Variants in SVEP1 observed in about 807,000 individuals in gnomAD.
SVEP1 encodes sushi, von Willebrand factor type A, EGF and pentraxin domain containing 1, also known as sushi, von Willebrand factor type A, EGF and pentraxin domain-containing protein 1.
In SVEP1, 164 loss-of-function variants were observed where a neutral mutation model predicts 367.3. The observed-to-expected ratio is 0.45, with a 90% CI of 0.39 to 0.51. The LOEUF (loss-of-function observed/expected upper bound fraction) is 0.51, where lower values mean the gene tolerates loss of function less well. SVEP1 is among the 20% of genes least tolerant of loss of function. SVEP1 has a pLI of 0.00. For synonymous variants in SVEP1, 1,666 were observed against 1,611.6 expected (o/e 1.03, Z -0.81); for missense variants, 4,117 against 4,425.3 (o/e 0.93, Z 1.98).
intron 40 of SVEP1, among the ~76,000 whole-genome samples, chr9:110,394,218 C>G (rs10817010): frequency 0.85 from 129,086 of 151,374 alleles, 55,387 homozygotes; most frequent in African/African-American, 0.95. Context: ...CTGTTCTGCA[C>G]CCTCTGCTGC....
chr9:110,429,446 A>T (rs531198366), intron 34 of SVEP1, 112 bp from the exon 35 acceptor site: 444 of 783,676 alleles, frequency 5.7e-4, no homozygotes, highest in Non-Finnish European at 7.7e-4. Flanking sequence ...GGAAAAGTTG[A>T]TTTTTTTTCC....
At position 110,384,532 on chromosome 9, in the gene SVEP1, T is replaced by C. The variant is rs539726196; in HGVS notation, c.10237+1366A>G. Reference sequence around the variant, plus strand: ...ACTGCAATAAGCTGCTAGCTGAAAATTCAGGGACTTGGGCTGTTGTGTATA... The same window carrying C: ...ACTGCAATAAGCTGCTAGCTGAAAACTCAGGGACTTGGGCTGTTGTGTATA... On this transcript the variant is annotated intron_variant, in intron 43 of 47. Coordinates refer to ENST00000374469, the MANE Select transcript of SVEP1 (RefSeq NM_153366.4). Among the ~76,000 whole-genome samples the C allele has an allele frequency of 3.3e-5, 5 of 150,988 alleles. No individual in the cohort carries two copies. The East Asian group carries it at 7.8e-4, about 24-fold the overall frequency.
intron 14 of SVEP1, among the ~76,000 whole-genome samples, chr9:110,472,931 G>A (rs2118675575): frequency 6.6e-6 from 1 of 152,212 alleles, no homozygotes; most frequent in Non-Finnish European, 1.5e-5. Flanking sequence ...TTCAGATTGT[G>A]GCTTCTCGAT....
chr9:110,383,218 G>C (rs1827465550), intron 43 of SVEP1, among the ~76,000 whole-genome samples: 1 of 151,980 alleles, frequency 6.6e-6, no homozygotes, highest in Non-Finnish European at 1.5e-5. Flanking sequence ...TGATCTTTGA[G>C]GTTGCTGACC....
chr9:110,443,500 A>C, intron 27 of SVEP1, 45 bp downstream of exon 27: 2 of 1,420,532 alleles, frequency 1.4e-6, no homozygotes, highest in Non-Finnish European at 1.9e-6. Flanking sequence ...AAGCAGCATC[A>C]CCTCTAGAGT....
intron 32 of SVEP1, among the ~76,000 whole-genome samples, chr9:110,431,123 G>A (rs1828343983): frequency 1.3e-5 from 2 of 152,102 alleles, no homozygotes; most frequent in Admixed American, 6.5e-5. Flanking sequence ...CTGATTTTGA[G>A]GAAAACAGCC....
At chr9:110,483,295 A>AGG (rs1829225401) in intron 10 of SVEP1, among the ~76,000 whole-genome samples, 1 of 152,192 alleles carries the variant, frequency 6.6e-6, no homozygotes, top group African/African-American at 2.4e-5. Flanking sequence ...CTCTAGAGCA[A>AGG]CATAAGCTTG....
chr9:110,501,508 G>A (rs1049291026), intron 6 of SVEP1, among the ~76,000 whole-genome samples: 2 of 105,054 alleles, frequency 1.9e-5, no homozygotes, highest in African/African-American at 2.8e-5. Context: ...ATTTTGTTGT[G>A]GGGGGGGCAG....
intron 1 of SVEP1, among the ~76,000 whole-genome samples, chr9:110,571,309 G>A (rs186917962): frequency 6.6e-6 from 1 of 152,124 alleles, no homozygotes; most frequent in Non-Finnish European, 1.5e-5. Flanking sequence ...CAGCAATAAA[G>A]CTCCATAAAA....
intron 27 of SVEP1, among the ~76,000 whole-genome samples, chr9:110,441,585 G>A (rs1390452193): frequency 6.6e-6 from 1 of 152,200 alleles, no homozygotes. Flanking sequence ...CACATCCAGG[G>A]ATCTGTCTGT....
intron 8 of SVEP1, among the ~76,000 whole-genome samples, chr9:110,494,599 A>G (rs541970239): frequency 1.3e-5 from 2 of 152,312 alleles, no homozygotes; most frequent in South Asian, 4.1e-4. Context: ...TTCTACCAAG[A>G]AATTTCTTTT....
chr9:110,410,297 C>T (rs189497035), intron 37 of SVEP1, among the ~76,000 whole-genome samples: 2 of 152,252 alleles, frequency 1.3e-5, no homozygotes, highest in African/African-American at 4.8e-5. Context: ...TCTTGGTAGG[C>T]TTATTGAGAA....
At position 110,513,060 on chromosome 9, in the gene SVEP1, A is replaced by G. The variant is rs1442802153; in HGVS notation, c.1169T>C (p.Ile390Thr). The G allele has an allele frequency of 1.2e-6, 2 of 1,613,878 alleles. No individual in the cohort carries two copies. The highest frequency in any genetic ancestry group is 1.7e-6 in the Non-Finnish European group (2 of 1,179,878). Residue 390 changes from isoleucine to threonine, a missense_variant, in exon 5 of 48, where the codon ATC (isoleucine) becomes ACC (threonine). By Grantham distance (89) the Ile-to-Thr change is moderately conservative. This residue lies in a region of SVEP1 where 2,174 missense variants were observed against 2,494.3 expected (regional missense o/e 0.87). Transcript: ENST00000374469. ...ALKPPENGYF[I>T]QNTCNNHFNA... is the part of the protein sequence containing the mutation. ...GAAGTGGTTGTTGCAAGTGTTTTGG[A>G]TAAAGTAACCATTTTCGGGAGGCTT...
intron 47 of SVEP1, among the ~76,000 whole-genome samples, chr9:110,369,314 A>C (rs1382903308): frequency 1.3e-5 from 2 of 152,198 alleles, no homozygotes; most frequent in East Asian, 3.8e-4. Flanking sequence ...GTCAGAAATA[A>C]GAAACCGATG....
intron 3 of SVEP1, among the ~76,000 whole-genome samples, chr9:110,522,678 T>C (rs1280205444): frequency 6.6e-6 from 1 of 152,072 alleles, no homozygotes; most frequent in Non-Finnish European, 1.5e-5. Context: ...AGATTCTGAG[T>C]GTAGTTTGGT....
In SVEP1 at chr9:110,472,211, T is replaced by C; in HGVS notation, c.2712A>G (p.Lys904=). The C allele has an allele frequency of 6.2e-7, 1 of 1,613,712 alleles. No homozygotes were observed. Among genetic ancestry groups the C allele is most frequent in the African/African-American group, 1.3e-5 (1 of 75,046 alleles). ...SIGNAKSSRI[K]RSAPLSDYKI... is the part of the protein sequence containing the mutation. Reference sequence around the variant, plus strand: ...TATAGTCAGATAATGGGGCACTTCTTTTAATCCGTGAGGACTTGGCATTGC... The same window carrying C: ...TATAGTCAGATAATGGGGCACTTCTCTTAATCCGTGAGGACTTGGCATTGC... Residue 904 remains lysine (K), a synonymous_variant, in exon 15 of 48, where the codon AAA becomes AAG. Transcript: ENST00000374469.
intron 36 of SVEP1, among the ~76,000 whole-genome samples, chr9:110,413,346 T>A (rs1254886360): frequency 7.1e-6 from 1 of 140,430 alleles, no homozygotes; most frequent in Non-Finnish European, 1.5e-5. Flanking sequence ...AACAATGAGA[T>A]CACATGGACA....
At chr9:110,514,816 T>C (rs535562438) in intron 3 of SVEP1, among the ~76,000 whole-genome samples, 1 of 152,300 alleles carries the variant, frequency 6.6e-6, no homozygotes, top group Admixed American at 6.5e-5. Context: ...TCCCCCATCC[T>C]GTGCACCTCA....
intron 22 of SVEP1, among the ~76,000 whole-genome samples, chr9:110,453,144 CT>C (rs1012204525): frequency 1.3e-5 from 2 of 152,066 alleles, no homozygotes; most frequent in African/African-American, 2.4e-5. Context: ...TTTTACTAAA[CT>C]TTTTAAAATA....
Sources: allele counts gnomAD v4.1 joint callset (sites outside exome capture counted in the v4.1 genomes callset), GRCh38; gene constraint gnomAD v4.1.1; regional missense constraint gnomAD v4.1.1; transcripts MANE v1.5; gene names NCBI Gene and HGNC (gene_info 2026-07-23, HGNC 2026-07-21).